PLXDC2: variants seen among roughly 807,000 people sequenced by gnomAD.
PLXDC2 encodes the protein plexin domain containing 2, also known as plexin domain-containing protein 2.
In PLXDC2, 40 loss-of-function variants were observed where a neutral mutation model predicts 68.9. The observed-to-expected ratio is 0.58, with a 90% confidence interval of 0.45 to 0.76. The LOEUF is 0.76. Among genes scored for constraint, PLXDC2 ranks in the 30% least tolerant of loss-of-function variants. The pLI is 0.00. For synonymous variants in PLXDC2, 243 were observed against 234.2 expected (o/e 1.04, Z -0.34); for missense variants, 644 against 661.9 (o/e 0.97, Z 0.30).
intron 12 of PLXDC2, among the ~76,000 whole-genome samples, chr10:20,226,775 A>G (rs1400267125): frequency 1.3e-5 from 2 of 152,154 alleles, no homozygotes; most frequent in Non-Finnish European, 2.9e-5. Flanking sequence ...TGCCATCAGC[A>G]AAATAATTGA....
intron 1 of PLXDC2, among the ~76,000 whole-genome samples, chr10:19,976,046 C>T (rs1834448240): frequency 6.6e-6 from 1 of 152,054 alleles, no homozygotes; most frequent in South Asian, 2.1e-4. Flanking sequence ...AGTATCTCAG[C>T]CTTTGCATCC....
chr10:19,859,333 C>G (rs541632875), intron 1 of PLXDC2, among the ~76,000 whole-genome samples: 1 of 152,148 alleles, frequency 6.6e-6, no homozygotes, highest in Non-Finnish European at 1.5e-5. Flanking sequence ...CGCTGTAAAA[C>G]CACAAACTCT....
chr10:19,897,864 G>C (rs1012847278), intron 1 of PLXDC2, among the ~76,000 whole-genome samples: 1 of 151,986 alleles, frequency 6.6e-6, no homozygotes, highest in Non-Finnish European at 1.5e-5. Flanking sequence ...TTCATTATTA[G>C]TAATATAATT....
chr10:20,009,927 AG>A (rs1835083880), intron 2 of PLXDC2, among the ~76,000 whole-genome samples: 2 of 152,136 alleles, frequency 1.3e-5, no homozygotes, highest in South Asian at 4.2e-4. Flanking sequence ...TCCCAAATCT[AG>A]GAGTGAAAAG....
intron 1 of PLXDC2, among the ~76,000 whole-genome samples, chr10:19,876,884 G>A (rs1837642454): frequency 1.3e-5 from 2 of 151,972 alleles, no homozygotes; most frequent in Non-Finnish European, 2.9e-5. Flanking sequence ...TGTTTCATAG[G>A]TGTTATTACA....
chr10:20,228,575 G>GAA (rs1261634574), intron 12 of PLXDC2, among the ~76,000 whole-genome samples: 1 of 139,518 alleles, frequency 7.2e-6, no homozygotes, highest in Non-Finnish European at 1.6e-5. Context: ...TAAAAAATAA[G>GAA]AAAAAAGGCA....
intron 13 of PLXDC2, among the ~76,000 whole-genome samples, chr10:20,257,660 A>G (rs960276357): frequency 1.1e-4 from 16 of 152,170 alleles, no homozygotes; most frequent in East Asian, 1.9e-4. Flanking sequence ...CAAAAGAACT[A>G]CTCATTAACA....
At chr10:20,276,245 C>T (rs1836005622) in intron 13 of PLXDC2, among the ~76,000 whole-genome samples, 1 of 152,158 alleles carries the variant, frequency 6.6e-6, no homozygotes. Context: ...TCTAACCCAA[C>T]ACAAAACCCT....
chr10:19,895,413 G>A (rs530950479), intron 1 of PLXDC2, among the ~76,000 whole-genome samples: 8 of 152,142 alleles, frequency 5.3e-5, no homozygotes, highest in East Asian at 3.9e-4. Context: ...CCCAGTAGCC[G>A]TATATTTTTT....
At chr10:19,821,185 C>T (rs1836460805) in intron 1 of PLXDC2, among the ~76,000 whole-genome samples, 1 of 152,232 alleles carries the variant, frequency 6.6e-6, no homozygotes, top group Non-Finnish European at 1.5e-5. Context: ...TCTTCAAGGC[C>T]ATTGCCTGTG....
intron 1 of PLXDC2, among the ~76,000 whole-genome samples, chr10:19,847,637 A>G (rs1837034833): frequency 6.6e-6 from 1 of 152,216 alleles, no homozygotes; most frequent in South Asian, 2.1e-4. Flanking sequence ...AGATCACTTT[A>G]CTGCCCCCGC....
At chr10:19,904,043 A>G (rs1384209663) in intron 1 of PLXDC2, among the ~76,000 whole-genome samples, 1 of 151,930 alleles carries the variant, frequency 6.6e-6, no homozygotes, top group Non-Finnish European at 1.5e-5. Flanking sequence ...ACGATCTGGG[A>G]GAGTACCTGA....
chr10:19,852,169 C>T (rs1242936309), intron 1 of PLXDC2, among the ~76,000 whole-genome samples: 1 of 151,994 alleles, frequency 6.6e-6, no homozygotes, highest in African/African-American at 2.4e-5. Context: ...TTTTGGGAGC[C>T]TGAGGCAAGA....
chr10:20,014,952 T>C (rs1163555130), intron 2 of PLXDC2, among the ~76,000 whole-genome samples: 1 of 152,218 alleles, frequency 6.6e-6, no homozygotes, highest in African/African-American at 2.4e-5. Context: ...TAAATGGCTG[T>C]GGCACTGTTC....
Position 20,147,998 on chromosome 10 carries a change from C to T in PLXDC2, c.783+96C>T, listed in dbSNP as rs1203399713. ...GAAAGGGACATTTTACAGCCATGAT[C>T]CTCAAATCATTTTCTTGCCTCTTGG... On this transcript the variant is annotated intron_variant, in intron 6 of 13. Coordinates refer to ENST00000377252, the MANE Select transcript of PLXDC2 (RefSeq NM_032812.9). The T allele has an allele frequency of 3.6e-6, 3 of 839,204 alleles. No individual in the cohort carries two copies. The African/African-American group carries it at 5.1e-5, about 14-fold the overall frequency. 52.0% of individuals were successfully genotyped at this position (839,204 alleles called of 1,614,324 possible). A position where few individuals can be genotyped will look rare whatever the true frequency, so the allele number is the denominator to read the frequency against.
At chr10:20,135,904 C>T (rs1243361957) in intron 4 of PLXDC2, among the ~76,000 whole-genome samples, 2 of 152,102 alleles carry the variant, frequency 1.3e-5, no homozygotes, top group Non-Finnish European at 2.9e-5. Flanking sequence ...CAGCTGGTTA[C>T]AAGTATAAAT....
At chr10:20,050,196 A>T (rs1029384352) in intron 3 of PLXDC2, among the ~76,000 whole-genome samples, 2 of 152,168 alleles carry the variant, frequency 1.3e-5, no homozygotes, top group Non-Finnish European at 1.5e-5. Context: ...CTTACACCAT[A>T]TACAAAAAAT....
At chr10:19,937,576 A>ATATATATATATG (rs1564633562) in intron 1 of PLXDC2, among the ~76,000 whole-genome samples, 2 of 123,584 alleles carry the variant, frequency 1.6e-5, no homozygotes, top group African/African-American at 3.0e-5. Context: ...ATATATATAT[A>ATATATATATATG]TATATATTTG....
intron 1 of PLXDC2, among the ~76,000 whole-genome samples, chr10:19,834,350 A>T (rs201109075): frequency 4.8e-4 from 65 of 136,100 alleles, no homozygotes; most frequent in South Asian, 1.3e-3. Flanking sequence ...AGAGAGAGAG[A>T]GAGAGTGTGT....
Sources: allele counts gnomAD v4.1 joint callset (sites outside exome capture counted in the v4.1 genomes callset), GRCh38; gene constraint gnomAD v4.1.1; transcripts MANE v1.5; gene names NCBI Gene and HGNC (gene_info 2026-07-23, HGNC 2026-07-21).